ANO4: variants seen among roughly 807,000 people sequenced by gnomAD.
ANO4 encodes anoctamin-4.
A neutral mutation model predicts 141.9 loss-of-function variants in ANO4; 69 were observed. The observed-to-expected ratio is 0.49, with a 90% CI of 0.40 to 0.59. ANO4 has a LOEUF of 0.59. Ranked by LOEUF, ANO4 falls within the 20% of genes least tolerant of loss-of-function variation. The probability of loss-of-function intolerance (pLI) is 0.00; values close to 1 mark genes in which losing one functional copy is unlikely to be tolerated. For synonymous variants in ANO4, 350 were observed against 394.3 expected, an observed-to-expected ratio of 0.89 and a Z score of 1.33; for missense variants, 894 against 1,162.2, an observed-to-expected ratio of 0.77 and a Z score of 3.36.
chr12:100,820,578 G>A (rs1347116702), intron 1 of ANO4, among the ~76,000 whole-genome samples: 2 of 152,100 alleles, frequency 1.3e-5, no homozygotes, highest in East Asian at 3.9e-4. Context: ...AATAAATTGA[G>A]TGTTTTAGAG....
chr12:100,798,200 A>G (rs1194745458), intron 1 of ANO4, among the ~76,000 whole-genome samples: 2 of 152,232 alleles, frequency 1.3e-5, no homozygotes, highest in East Asian at 3.8e-4. Context: ...ATTATGTGAT[A>G]CAGCTTTTCT....
intron 8 of ANO4, among the ~76,000 whole-genome samples, chr12:100,998,379 T>TTATCTATCTATC (rs5800449): frequency 0.072 from 10,647 of 148,754 alleles, 410 homozygotes; most frequent in African/African-American, 0.093. Flanking sequence ...AAACTCCCCT[T>TTATCTATCTATC]TATCTATCTA....
At chr12:100,798,825 G>A (rs1435010944) in intron 1 of ANO4, among the ~76,000 whole-genome samples, 1 of 152,194 alleles carries the variant, frequency 6.6e-6, no homozygotes, top group Non-Finnish European at 1.5e-5. Context: ...ATAATGACAG[G>A]TTTTGTGGGC....
intron 14 of ANO4, among the ~76,000 whole-genome samples, chr12:101,050,659 C>T (rs894574276): frequency 6.6e-6 from 1 of 152,134 alleles, no homozygotes; most frequent in Admixed American, 6.5e-5. Context: ...ATTCTGTAAA[C>T]GTAAATACTA....
intron 3 of ANO4, among the ~76,000 whole-genome samples, chr12:100,925,816 C>CATACATACATACATATAT (rs1566018063): frequency 3.0e-4 from 43 of 145,556 alleles, no homozygotes; most frequent in Admixed American, 4.3e-4. Flanking sequence ...CATACATATA[C>CATACATACATACATATAT]ATACATACAT....
intron 8 of ANO4, among the ~76,000 whole-genome samples, chr12:101,001,627 C>T (rs1044127110): frequency 1.3e-5 from 2 of 152,144 alleles, no homozygotes; most frequent in Non-Finnish European, 2.9e-5. Flanking sequence ...CCACTAGACA[C>T]CGGGCTACCT....
At chr12:100,786,587 C>A (rs190286264) in intron 3 of ANO4, among the ~76,000 whole-genome samples, 2 of 152,150 alleles carry the variant, frequency 1.3e-5, no homozygotes, top group Non-Finnish European at 2.9e-5. Context: ...CTGGTGAAAT[C>A]TCTCCATCAA....
Position 101,111,689 on chromosome 12 carries a change from G to C in ANO4, c.2429G>C (p.Gly810Ala), listed in dbSNP as rs1162043468. ...VYAYKYGPCA[G>A]QGEAGQKCMV... is the part of the protein sequence containing the mutation. Reference sequence around the variant, plus strand: ...GCTTATAAGTATGGACCTTGTGCAGGCCAAGGAGAAGCTGGGCAAAAGTAA... The same window carrying C: ...GCTTATAAGTATGGACCTTGTGCAGCCCAAGGAGAAGCTGGGCAAAAGTAA... Residue 810 changes from glycine (G) to alanine (A), a missense_variant, in exon 24 of 28, where the codon GGC becomes GCC. Gly to Ala is a moderately conservative substitution (Grantham distance 60). This residue lies in a region of ANO4 where 637 missense variants were observed against 909.2 expected (regional missense o/e 0.70). Coordinates refer to ENST00000392977, the MANE Select transcript of ANO4 (RefSeq NM_001286615.2). 1 of 1,596,274 alleles carries C rather than the reference G, an allele frequency of 6.3e-7. No individual in the cohort carries two copies. The highest frequency in any genetic ancestry group is 1.4e-5 in the African/African-American group (1 of 73,864).
Position 100,902,000 on chromosome 12 carries a change from A to G in ANO4, c.55+160A>G, listed in dbSNP as rs1156908735. On this transcript the variant is annotated intron_variant, in intron 2 of 27. Transcript: ENST00000392977. ...CTTCTGCTCACCTCAGTCAATGGTAAATATCACCAAGACGAATAAGAGGGG... is the reference window on the plus strand; with the variant it reads ...CTTCTGCTCACCTCAGTCAATGGTAGATATCACCAAGACGAATAAGAGGGG... Among the ~76,000 whole-genome samples the G allele has an allele frequency of 2.6e-5, 4 of 152,234 alleles. No individual in the cohort carries two copies. The East Asian group carries it at 5.8e-4, about 22-fold the overall frequency.
chr12:100,740,167 T>C (rs984303093), intron 3 of ANO4: 12 of 685,946 alleles, frequency 1.7e-5, no homozygotes, highest in African/African-American at 3.5e-5. Flanking sequence ...CTTCATGCAT[T>C]TGCCTGCTGA....
At chr12:100,813,911 G>GTTTT in intron 1 of ANO4, among the ~76,000 whole-genome samples, 1 of 152,078 alleles carries the variant, frequency 6.6e-6, no homozygotes, top group East Asian at 1.9e-4. Context: ...GTTTTGTTTT[G>GTTTT]TTTTGAATCT....
At chr12:100,781,574 T>C (rs2033712640) in intron 3 of ANO4, among the ~76,000 whole-genome samples, 1 of 152,244 alleles carries the variant, frequency 6.6e-6, no homozygotes, top group South Asian at 2.1e-4. Flanking sequence ...AGATTGGATT[T>C]AATTAATCTA....
chr12:100,797,811 T>A, intron 1 of ANO4, among the ~76,000 whole-genome samples: 1 of 149,972 alleles, frequency 6.7e-6, no homozygotes, highest in Non-Finnish European at 1.5e-5. Context: ...CTTTTGCCAT[T>A]TTATATATGT....
chr12:100,966,884 T>TACAC (rs139462317), intron 5 of ANO4, among the ~76,000 whole-genome samples: 28,893 of 147,418 alleles, frequency 0.2, 2,849 homozygotes, highest in Middle Eastern at 0.33. Context: ...CACACACACA[T>TACAC]ACACACACAC....
upstream of ANO4, among the ~76,000 whole-genome samples, chr12:100,792,866 C>T (rs1400221350): frequency 2.0e-5 from 3 of 152,056 alleles, no homozygotes; most frequent in Admixed American, 1.3e-4. Flanking sequence ...TGTCAGAAGC[C>T]GTTAATGCAG....
At chr12:101,080,883 T>TATATATATATATATTATATATATATA (rs1491584060) in intron 15 of ANO4, among the ~76,000 whole-genome samples, 1 of 74,072 alleles carries the variant, frequency 1.4e-5, no homozygotes, top group South Asian at 6.4e-4. Context: ...TATATATATA[T>TATATATATATATATTATATATATATA]TATATATATA....
intron 26 of ANO4, among the ~76,000 whole-genome samples, chr12:101,126,622 T>C (rs1437461027): frequency 6.6e-6 from 1 of 152,218 alleles, no homozygotes; most frequent in Non-Finnish European, 1.5e-5. Flanking sequence ...AATACATTCT[T>C]CTGGCTCTCC....
intron 1 of ANO4, among the ~76,000 whole-genome samples, chr12:100,827,238 T>G (rs548874834): frequency 6.6e-6 from 1 of 152,188 alleles, no homozygotes; most frequent in African/African-American, 2.4e-5. Flanking sequence ...TTGATGATCC[T>G]TGAACACACC....
chr12:100,767,864 C>T (rs141878597), intron 3 of ANO4, among the ~76,000 whole-genome samples: 1 of 152,320 alleles, frequency 6.6e-6, no homozygotes, highest in African/African-American at 2.4e-5. Context: ...ACACTTTCCC[C>T]ACCTCACATG....
Sources: allele counts gnomAD v4.1 joint callset (sites outside exome capture counted in the v4.1 genomes callset), GRCh38; gene constraint gnomAD v4.1.1; regional missense constraint gnomAD v4.1.1; transcripts MANE v1.5; gene names NCBI Gene and HGNC (gene_info 2026-07-23, HGNC 2026-07-21).